TENM3: variants seen among roughly 807,000 people sequenced by gnomAD.
The protein encoded by TENM3 is teneurin-3.
A neutral mutation model predicts 255.1 loss-of-function variants in TENM3; 63 were observed. The ratio of observed to expected loss-of-function variants is 0.25; its 90% confidence interval spans 0.20 to 0.30. The LOEUF is 0.30. Ranked by LOEUF, TENM3 falls within the 10% of genes least tolerant of loss-of-function variation. The pLI, the probability that TENM3 is intolerant of heterozygous loss-of-function variation, is 1.00. For synonymous variants in TENM3, 1,306 were observed against 1,322.3 expected (o/e 0.99, Z 0.27); for missense variants, 2,929 against 3,461.1 (o/e 0.85, Z 3.86).
intron 18 of TENM3, among the ~76,000 whole-genome samples, chr4:182,740,031 G>A (rs1761484375): frequency 6.6e-6 from 1 of 152,048 alleles, no homozygotes; most frequent in African/African-American, 2.4e-5. Flanking sequence ...GTGAGACTCC[G>A]TCTCAAAAAA....
At chr4:181,964,067 ATTTT>A in the TENM3 span, among the ~76,000 whole-genome samples, 1 of 138,940 alleles carries the variant, frequency 7.2e-6, no homozygotes, top group Non-Finnish European at 1.6e-5. Flanking sequence ...TGACCTTCCG[ATTTT>A]TTTTTTTTTT....
chr4:182,244,494 T>G (rs1364613062), intron 1 of TENM3, among the ~76,000 whole-genome samples: 1 of 152,240 alleles, frequency 6.6e-6, no homozygotes, highest in African/African-American at 2.4e-5. Flanking sequence ...TGCATTCAGA[T>G]GCATTTATTT....
At chr4:182,494,974 T>G (rs1450698790) in intron 3 of TENM3, among the ~76,000 whole-genome samples, 1 of 152,190 alleles carries the variant, frequency 6.6e-6, no homozygotes. Flanking sequence ...TGGTACCAAG[T>G]TCATTACAGC....
At chr4:181,764,869 A>G in the TENM3 span, among the ~76,000 whole-genome samples, 1 of 151,686 alleles carries the variant, frequency 6.6e-6, no homozygotes, top group Non-Finnish European at 1.5e-5. Flanking sequence ...TTTTATTTTT[A>G]TGTTTTGTAG....
the TENM3 span, among the ~76,000 whole-genome samples, chr4:181,552,362 T>A: frequency 6.6e-6 from 1 of 152,212 alleles, no homozygotes; most frequent in Non-Finnish European, 1.5e-5. Context: ...TTATAAGCAT[T>A]TCCTGTGTCA....
the TENM3 span, among the ~76,000 whole-genome samples, chr4:182,037,210 C>T: frequency 6.6e-6 from 1 of 150,710 alleles, no homozygotes; most frequent in Non-Finnish European, 1.5e-5. Context: ...TGCAGTGGTG[C>T]AATCTCAGCC....
In TENM3 at chr4:182,688,361, C is replaced by T; in HGVS notation, c.2221+10C>T. On this transcript the variant is annotated intron_variant, in intron 12 of 27. Transcript: ENST00000511685. ...GAGCACTGCACTATCGGTAGGCTTA[C>T]TGCAAGTCTGTGTCTGTCCCCTTCC... 1.9e-6 allele frequency: 3 copies of T among 1,570,018 alleles called. No individual in the cohort carries two copies. The highest frequency in any genetic ancestry group is 2.6e-6 in the Non-Finnish European group (3 of 1,153,168).
chr4:181,494,467 A>T, the TENM3 span, among the ~76,000 whole-genome samples: 18,155 of 151,712 alleles, frequency 0.12, 1,416 homozygotes, highest in African/African-American at 0.21. Flanking sequence ...TGTATTTTTA[A>T]TAGAGATGGG....
At chr4:181,980,475 T>A in the TENM3 span, 1 of 152,140 alleles carries the variant, frequency 6.6e-6, no homozygotes, top group Non-Finnish European at 1.5e-5. Flanking sequence ...TGGGGGAAGG[T>A]CAAAAATGGC....
chr4:181,700,181 G>A, the TENM3 span, among the ~76,000 whole-genome samples: 2 of 151,960 alleles, frequency 1.3e-5, no homozygotes, highest in African/African-American at 4.8e-5. Flanking sequence ...TTGCCTCCTT[G>A]AAGTGAACGT....
chr4:182,127,473 AG>A, the TENM3 span, among the ~76,000 whole-genome samples: 4 of 152,210 alleles, frequency 2.6e-5, no homozygotes, highest in Non-Finnish European at 5.9e-5. Flanking sequence ...GCCCTGTTAG[AG>A]GGCATTTGCA....
the TENM3 span, among the ~76,000 whole-genome samples, chr4:181,882,094 A>G: frequency 1.3e-5 from 2 of 152,162 alleles, no homozygotes; most frequent in African/African-American, 2.4e-5. Flanking sequence ...AAAAGAACAT[A>G]TGTTTTCAAG....
chr4:181,458,174 T>G, the TENM3 span, among the ~76,000 whole-genome samples: 41 of 151,990 alleles, frequency 2.7e-4, no homozygotes, highest in Non-Finnish European at 4.7e-4. Flanking sequence ...AAAATCAAGA[T>G]AATATATTCT....
intron 16 of TENM3, among the ~76,000 whole-genome samples, chr4:182,733,482 GGA>G (rs1353537735): frequency 7.0e-6 from 1 of 143,740 alleles, no homozygotes; most frequent in Non-Finnish European, 1.6e-5. Flanking sequence ...GTTGTCCACA[GGA>G]GAAATTATGG....
chr4:182,027,994 A>G, the TENM3 span, among the ~76,000 whole-genome samples: 1 of 152,116 alleles, frequency 6.6e-6, no homozygotes, highest in African/African-American at 2.4e-5. Flanking sequence ...AGAATTTGTT[A>G]GGAAGCATTG....
At chr4:182,116,131 A>G in the TENM3 span, among the ~76,000 whole-genome samples, 16 of 152,162 alleles carry the variant, frequency 1.1e-4, no homozygotes, top group Non-Finnish European at 2.2e-4. Context: ...ACATGTATCC[A>G]TCATTGTAGA....
At chr4:182,706,946 G>A (rs1758323705) in intron 12 of TENM3, among the ~76,000 whole-genome samples, 1 of 149,456 alleles carries the variant, frequency 6.7e-6, no homozygotes, top group African/African-American at 2.5e-5. Context: ...GTGACAGAGT[G>A]AGACCCTGTA....
At chr4:182,650,842 A>T (rs888090829) in intron 5 of TENM3, among the ~76,000 whole-genome samples, 1 of 148,090 alleles carries the variant, frequency 6.8e-6, no homozygotes, top group Non-Finnish European at 1.5e-5. Flanking sequence ...TAGCATCTTC[A>T]GTAGAACCAG....
the TENM3 span, among the ~76,000 whole-genome samples, chr4:181,843,010 CCTT>C: frequency 1.3e-5 from 2 of 152,168 alleles, no homozygotes; most frequent in Non-Finnish European, 2.9e-5. Context: ...TTGACTAAAA[CCTT>C]CTCTTCACTT....
Sources: allele counts gnomAD v4.1 joint callset (sites outside exome capture counted in the v4.1 genomes callset), GRCh38; gene constraint gnomAD v4.1.1; transcripts MANE v1.5; gene names NCBI Gene and HGNC (gene_info 2026-07-23, HGNC 2026-07-21).